Variants in CDKL4 observed in about 807,000 individuals in gnomAD.
The protein encoded by CDKL4 is cyclin-dependent kinase-like 4.
CDKL4 carries 44 observed loss-of-function variants against 42.0 expected under a neutral mutation model. The ratio of observed to expected loss-of-function variants is 1.05; its 90% CI spans 0.82 to 1.35. CDKL4 has a LOEUF of 1.35. Among genes scored for constraint, CDKL4 ranks in the 40% most tolerant of loss-of-function variants. The pLI is 0.00. For missense variants in CDKL4, 393 were observed against 369.9 expected, an observed-to-expected ratio of 1.06 and a Z score of -0.51; for synonymous variants, 120 against 121.6, an observed-to-expected ratio of 0.99 and a Z score of 0.09.
intron 5 of CDKL4, among the ~76,000 whole-genome samples, chr2:39,199,922 T>G (rs1486835265): frequency 6.6e-6 from 1 of 152,056 alleles, no homozygotes; most frequent in African/African-American, 2.4e-5. Context: ...CCCTGAGAAC[T>G]GGAACAAGAC....
chr2:39,207,462 C>T (rs74705460), intron 4 of CDKL4, among the ~76,000 whole-genome samples: 3,767 of 152,200 alleles, frequency 0.025, 56 homozygotes, highest in African/African-American at 0.028. Context: ...ACTTAAGAAA[C>T]TTAGACTAAC....
downstream of CDKL4, among the ~76,000 whole-genome samples, chr2:39,173,746 C>T (rs905774989): frequency 4.1e-5 from 6 of 147,662 alleles, no homozygotes; most frequent in African/African-American, 2.5e-5. Context: ...GGAGGCGGAG[C>T]AGCTTGCAGT....
intron 9 of CDKL4, chr2:39,178,982 A>G (rs994897695): frequency 7.0e-7 from 1 of 1,438,330 alleles, no homozygotes; most frequent in South Asian, 1.5e-5. Context: ...TGTGTTTGGA[A>G]TAAGATTTTT....
At chr2:39,206,421 G>A (rs1677191249) in intron 4 of CDKL4, among the ~76,000 whole-genome samples, 2 of 152,150 alleles carry the variant, frequency 1.3e-5, no homozygotes, top group Non-Finnish European at 1.5e-5. Flanking sequence ...ACAACTTGCT[G>A]CGTCATCATA....
At chr2:39,169,443 G>A in the CDKL4 span, among the ~76,000 whole-genome samples, 1 of 152,100 alleles carries the variant, frequency 6.6e-6, no homozygotes, top group Non-Finnish European at 1.5e-5. Flanking sequence ...ATGAGAGAGA[G>A]GAAGGTAACT....
the CDKL4 span, among the ~76,000 whole-genome samples, chr2:39,170,535 C>A: frequency 5.5e-4 from 83 of 152,120 alleles, no homozygotes; most frequent in African/African-American, 2.0e-3. Flanking sequence ...TGGCTCACTG[C>A]GACCTCCACC....
chr2:39,229,372 A>G, exon 2 of CDKL4: 2 of 1,591,090 alleles, frequency 1.3e-6, no homozygotes, highest in Non-Finnish European at 1.7e-6. Flanking sequence ...TACCTTCAAC[A>G]TACGTATTTC....
At chr2:39,170,544 C>G in the CDKL4 span, among the ~76,000 whole-genome samples, 2 of 152,072 alleles carry the variant, frequency 1.3e-5, no homozygotes, top group Non-Finnish European at 2.9e-5. Context: ...GCGACCTCCA[C>G]CTCCCGGATT....
chr2:39,217,305 A>G (rs1193211102), intron 3 of CDKL4, among the ~76,000 whole-genome samples: 1 of 152,212 alleles, frequency 6.6e-6, no homozygotes, highest in Non-Finnish European at 1.5e-5. Flanking sequence ...GAAGGCCTTA[A>G]AGCAAACATG....
At chr2:39,221,318 T>A (rs561512214) in intron 3 of CDKL4, among the ~76,000 whole-genome samples, 7 of 152,216 alleles carry the variant, frequency 4.6e-5, no homozygotes, top group Admixed American at 3.9e-4. Context: ...CCCGTCCACA[T>A]TGATGATCTT....
intron 9 of CDKL4, 69 bp downstream of exon 9, chr2:39,179,118 T>G: frequency 6.4e-7 from 1 of 1,557,590 alleles, no homozygotes; most frequent in South Asian, 1.3e-5. Context: ...TGTCTCACTT[T>G]GAAAGGCAGA....
chr2:39,213,999 C>T (rs1677753876), intron 3 of CDKL4, among the ~76,000 whole-genome samples: 1 of 152,064 alleles, frequency 6.6e-6, no homozygotes. Context: ...CTCACTGTAA[C>T]TTCCTCCTCC....
At chr2:39,229,251 T>A in intron 2 of CDKL4, 114 bp downstream of exon 2, 7 of 750,846 alleles carry the variant, frequency 9.3e-6, no homozygotes, top group Middle Eastern at 3.9e-4. Context: ...AAGGTGCTGA[T>A]ACAAAGGAAT....
At position 39,195,547 on chromosome 2, in the gene CDKL4, C is replaced by T. The variant is rs540753432; in HGVS notation, c.455-5045G>A. On this transcript the variant is annotated intron_variant, in intron 5 of 9. Transcript: ENST00000451199. ...GGTATCTAACTGTGGTTTTGATTTG[C>T]ATATCCCTAATGATTACCATAAGCA... 3.9e-5 allele frequency among the ~76,000 whole-genome samples: 6 copies of T among 152,186 alleles called. No individual in the cohort carries two copies. In the East Asian group the frequency reaches 9.6e-4, roughly 24 times the overall value.
At chr2:39,178,711 A>C (rs774606291) in intron 9 of CDKL4, 3 of 1,609,488 alleles carry the variant, frequency 1.9e-6, no homozygotes, top group Non-Finnish European at 2.5e-6. Flanking sequence ...TGTACCTGGC[A>C]GATCTTGGTT....
intron 3 of CDKL4, among the ~76,000 whole-genome samples, chr2:39,224,086 T>C (rs745834240): frequency 8.5e-5 from 13 of 152,232 alleles, no homozygotes; most frequent in Admixed American, 5.9e-4. Context: ...ATGTTATTTG[T>C]AAAATCTGCA....
intron 8 of CDKL4, among the ~76,000 whole-genome samples, chr2:39,183,603 T>G (rs1228337456): frequency 1.3e-5 from 2 of 152,178 alleles, no homozygotes; most frequent in Non-Finnish European, 2.9e-5. Flanking sequence ...TCGTTGGGCT[T>G]GCAGTGCTTG....
chr2:39,187,475 G>T (rs1675892684), intron 7 of CDKL4, 152 bp downstream of exon 7: 2 of 565,348 alleles, frequency 3.5e-6, no homozygotes, highest in Non-Finnish European at 6.1e-6. Flanking sequence ...AGTCTCGGAG[G>T]TTGAGGCTGC....
intron 3 of CDKL4, among the ~76,000 whole-genome samples, chr2:39,218,505 A>G (rs1678088154): frequency 6.6e-6 from 1 of 152,164 alleles, no homozygotes; most frequent in Non-Finnish European, 1.5e-5. Flanking sequence ...TCAAAAAACA[A>G]AAAAAACCCA....
Sources: allele counts gnomAD v4.1 joint callset (sites outside exome capture counted in the v4.1 genomes callset), GRCh38; gene constraint gnomAD v4.1.1; transcripts MANE v1.5; gene names NCBI Gene and HGNC (gene_info 2026-07-23, HGNC 2026-07-21).